MLLT6: variants seen among roughly 807,000 people sequenced by gnomAD.
MLLT6 encodes the protein MLLT6, PHD finger containing, also known as protein AF-17.
In MLLT6, 22 loss-of-function variants were observed where a neutral mutation model predicts 103.0. The ratio of observed to expected loss-of-function variants is 0.21; its 90% CI spans 0.15 to 0.31. The LOEUF (loss-of-function observed/expected upper bound fraction) is 0.31, where lower values mean the gene tolerates loss of function less well. Ranked by LOEUF, MLLT6 falls within the 10% of genes least tolerant of loss-of-function variation. The pLI is 1.00. For synonymous variants in MLLT6, 606 were observed against 623.5 expected (o/e 0.97, Z 0.42); for missense variants, 1,199 against 1,441.7 (o/e 0.83, Z 2.73).
rs1906073387 is a variant in MLLT6 at position 38,727,073 on chromosome 17, C to T, written c.*1475C>T. The T allele has an allele frequency of 4.3e-6, 1 of 232,564 alleles. No homozygotes were observed. Among genetic ancestry groups the T allele is most frequent in the African/African-American group, 2.2e-5 (1 of 44,942 alleles). The allele number at this position is 232,564 out of a possible 1,614,324, so 14.4% of individuals were successfully genotyped here. ...CAGCTTCCCCAGGCTCCGGCCTTGT[C>T]AGTCTCTTTGCATGTGTGGATTTTT... On this transcript the variant is annotated 3_prime_UTR_variant, in exon 20 of 20. Transcript: ENST00000621332.
rs1049144711 is a variant in MLLT6, at chr17:38,729,609, T to G, written c.*4011T>G. ...GATTGCAAACCCAGGGGCTCCTTTT[T>G]CATTCTTTCTAAAACCTTGATATCC... On this transcript the variant is annotated 3_prime_UTR_variant, in exon 20 of 20. Coordinates refer to ENST00000621332, the MANE Select transcript of MLLT6 (RefSeq NM_005937.4). 5 of 232,244 alleles carry G rather than the reference T, an allele frequency of 2.2e-5. No individual in the cohort carries two copies. In the Admixed American group the frequency reaches 2.8e-4, roughly 13 times the overall value. 14.4% of individuals were successfully genotyped at this position (232,244 alleles called of 1,614,324 possible). A position where few individuals can be genotyped will look rare whatever the true frequency, so the allele number is the denominator to read the frequency against.
chr17:38,716,393 T>C lies in MLLT6; in HGVS notation c.1063T>C (p.Phe355Leu). Reference sequence around the variant, plus strand: ...CTCGTCCCTGCAGAGCTCCCCTGACTTCTCTGCATTCCCCAAGCTGGAGCA... The same window carrying C: ...CTCGTCCCTGCAGAGCTCCCCTGACCTCTCTGCATTCCCCAAGCTGGAGCA... ...AVSSLQSSPD[F>L]SAFPKLEQPE... Residue 355 changes from phenylalanine (F) to leucine (L), a missense_variant, in exon 10 of 20, where the codon TTC becomes CTC. By Grantham distance (22) the Phe-to-Leu change is conservative (BLOSUM62 0). This residue lies in a region of MLLT6 where 1,034 missense variants were observed against 1,091.5 expected (regional missense o/e 0.95). Transcript: ENST00000621332. The surrounding 1 kb of genome is among the most constrained non-coding windows in gnomAD (Gnocchi z 5.6). The C allele has an allele frequency of 6.2e-7, 1 of 1,613,388 alleles. No individual in the cohort carries two copies.
In MLLT6 at chr17:38,709,279, G is replaced by A; in HGVS notation, c.458+3G>A. 1.2e-6 allele frequency: 2 copies of A among 1,612,836 alleles called. No homozygotes were observed. Among genetic ancestry groups the A allele is most frequent in the South Asian group, 1.1e-5 (1 of 91,042 alleles). ...CGACAAGCTTTCCACGTCACCTGGT[G>A]AGACCCCTGTCCCACCCCCCTGCCC... On this transcript the variant is annotated splice_donor_region_variant and intron_variant, in intron 5 of 19. Transcript: ENST00000621332. This position sits in a 1 kb window ranked among gnomAD's most constrained non-coding sequence, Gnocchi z 4.3.
chr17:38,713,000 G>C (rs1303645353), intron 8 of MLLT6: 1 of 776,932 alleles, frequency 1.3e-6, no homozygotes, highest in Non-Finnish European at 2.4e-6. Context: ...TTGGGAGTTT[G>C]GGGTGCTGTC....
At chr17:38,712,177 G>T in intron 7 of MLLT6, 163 bp downstream of exon 7, 1 of 935,398 alleles carries the variant, frequency 1.1e-6, no homozygotes, top group Non-Finnish European at 1.3e-6. Context: ...AAACGGTGGG[G>T]GGGTGAGGCG....
intron 19 of MLLT6, 49 bp downstream of exon 19, chr17:38,725,025 A>G: frequency 7.8e-7 from 1 of 1,283,350 alleles, no homozygotes; most frequent in Non-Finnish European, 1.1e-6. Context: ...AGGGATGGGT[A>G]GAGATGGATT....
intron 18 of MLLT6, among the ~76,000 whole-genome samples, chr17:38,723,804 A>T (rs1401703089): frequency 6.7e-6 from 1 of 149,838 alleles, no homozygotes; most frequent in East Asian, 2.0e-4. Context: ...GTGCAATGGC[A>T]TGATATCGGC....
In MLLT6 at chr17:38,721,969, C is replaced by A; in HGVS notation, c.2534C>A (p.Ala845Asp). Residue 845 changes from alanine (A) to aspartate (D), a missense_variant, in exon 17 of 20, where the codon GCC (alanine) becomes GAC (aspartate). Ala to Asp is a moderately radical substitution (Grantham distance 126). This residue lies in a region of MLLT6 where 1,034 missense variants were observed against 1,091.5 expected (regional missense o/e 0.95). Coordinates refer to ENST00000621332, the MANE Select transcript of MLLT6 (RefSeq NM_005937.4). ...PPLPLLQQSP[A>D]TLPLALPGAP... ...CTGCCCCTCCTCCAGCAGAGCCCTG[C>A]CACTCTGCCCCTGGCCCTGCCTGGG... The A allele has an allele frequency of 6.6e-7, 1 of 1,504,182 alleles. No individual in the cohort carries two copies. The allele number at this position is 1,504,182 out of a possible 1,614,324, so 93.2% of individuals were successfully genotyped here.
At chr17:38,723,225 G>A (rs1019941988) in intron 18 of MLLT6, among the ~76,000 whole-genome samples, 1 of 152,172 alleles carries the variant, frequency 6.6e-6, no homozygotes, top group Non-Finnish European at 1.5e-5. Flanking sequence ...GGAAGCAGCC[G>A]GGTGTGGTGG....
At position 38,715,643 on chromosome 17, in the gene MLLT6, A is replaced by G; in HGVS notation, c.851A>G (p.His284Arg). The change falls in exon 9 of 20, where the codon CAC becomes CGC. Residue 284 changes from histidine (H) to arginine (R), a missense_variant. Physicochemically the swap from His to Arg is conservative, Grantham distance 29. Coordinates refer to ENST00000621332, the MANE Select transcript of MLLT6 (RefSeq NM_005937.4). ...VSSSASSSSH[H>R]EASTQETSES... is the part of the protein sequence containing the mutation. ...TCCTCGGCTTCCTCTTCCTCCCACCACGAGGCCAGCACGCAGGAGACCTCT... is the reference window on the plus strand; with the variant it reads ...TCCTCGGCTTCCTCTTCCTCCCACCGCGAGGCCAGCACGCAGGAGACCTCT... The G allele has an allele frequency of 6.2e-7, 1 of 1,613,578 alleles. No homozygotes were observed. Among genetic ancestry groups the G allele is most frequent in the African/African-American group, 1.3e-5 (1 of 74,954 alleles).
chr17:38,707,881 C>T lies in MLLT6; in HGVS notation c.354+9C>T, dbSNP rs776516983. The stretch of plus-strand genomic sequence containing the variant: ...ATGATCGCTTCAACAAGGTCAGCGG[C>T]CCCCCGCCGTGTCCCCTACCAGTTC... On this transcript the variant is annotated intron_variant, in intron 4 of 19. Transcript: ENST00000621332. The T allele has an allele frequency of 9.0e-6, 14 of 1,564,076 alleles. No homozygotes were observed. The highest frequency in any genetic ancestry group is 3.4e-5 in the Admixed American group (2 of 58,324).
At chr17:38,720,325 G>T in intron 14 of MLLT6, 47 bp from the exon 15 acceptor site, 1 of 73,316 alleles carries the variant, frequency 1.4e-5, no homozygotes, top group South Asian at 1.2e-4. Flanking sequence ...CCCTGGCCCC[G>T]CCTCCGCCCC....
Position 38,711,876 on chromosome 17 carries a change from CGGAGGAGGCGCT to C in MLLT6, c.591_602del (p.Ala198_Gly201del). ...CATCCCGGCACAGCAGCGGGGGAGG[CGGAGGAGGCGCT>C]GGAGGAGGAGGTGGCAGCATGGGGG... On this transcript the variant is annotated inframe_deletion, in exon 7 of 20. Coordinates refer to ENST00000621332, the MANE Select transcript of MLLT6 (RefSeq NM_005937.4). 1 of 1,589,342 alleles carries C rather than the reference CGGAGGAGGCGCT, an allele frequency of 6.3e-7. No individual in the cohort carries two copies. Among genetic ancestry groups the C allele is most frequent in the South Asian group, 1.1e-5 (1 of 87,484 alleles).
intron 6 of MLLT6, among the ~76,000 whole-genome samples, chr17:38,710,479 G>A (rs1296201325): frequency 6.6e-6 from 1 of 152,176 alleles, no homozygotes; most frequent in East Asian, 1.9e-4. Flanking sequence ...GCCGCTGTGA[G>A]GCTAGATCAG....
rs970548063 is a variant in MLLT6, at chr17:38,727,883, T to C, written c.*2285T>C. The C allele has an allele frequency of 4.3e-6, 1 of 233,082 alleles. No homozygotes were observed. Among genetic ancestry groups the C allele is most frequent in the African/African-American group, 2.2e-5 (1 of 45,340 alleles). The allele number at this position is 233,082 out of a possible 1,614,324, so 14.4% of individuals were successfully genotyped here. A position where few individuals can be genotyped will look rare whatever the true frequency, so the allele number is the denominator to read the frequency against. On this transcript the variant is annotated 3_prime_UTR_variant, in exon 20 of 20. Coordinates refer to ENST00000621332, the MANE Select transcript of MLLT6 (RefSeq NM_005937.4). ...ACGCCCTTGCCCAAGGCTGGCCCAC[T>C]TAGAGCGAAACTTAACTTTTGTCTG...
At chr17:38,723,063 C>T (rs1373534354) in intron 18 of MLLT6, among the ~76,000 whole-genome samples, 6 of 152,144 alleles carry the variant, frequency 3.9e-5, no homozygotes, top group Admixed American at 1.3e-4. Context: ...CATTTCAGTC[C>T]CAGCCCCAAA....
In MLLT6 at chr17:38,720,520, G is replaced by A. The variant is rs1288391566; in HGVS notation, c.2304G>A (p.Leu768=). 1 of 1,611,582 alleles carries A rather than the reference G, an allele frequency of 6.2e-7. No individual in the cohort carries two copies. The highest frequency in any genetic ancestry group is 1.7e-5 in the Admixed American group (1 of 59,828). Residue 768 remains leucine, a synonymous_variant, in exon 15 of 20, where the codon CTG becomes CTA. Transcript: ENST00000621332. ...CCTTCCCTGCCCTGCCTGCTGCCCT[G>A]CCTGCCGCCAACGGCCCTGTCCCTG... The part of the protein sequence containing the change: ...SVPFPALPAA[L]PAANGPVPGP...
chr17:38,720,845 T>C, intron 16 of MLLT6, 98 bp downstream of exon 16: 1 of 1,036,612 alleles, frequency 9.6e-7, no homozygotes, highest in Non-Finnish European at 1.4e-6. Flanking sequence ...GGCAATGAAG[T>C]GACTGACTGA....
At chr17:38,715,551 C>T in intron 8 of MLLT6, 61 bp from the exon 9 acceptor site, 1 of 1,526,710 alleles carries the variant, frequency 6.6e-7, no homozygotes, top group South Asian at 1.3e-5. Flanking sequence ...TTCACTCCCA[C>T]ATCAGGATCA....
Sources: allele counts gnomAD v4.1 joint callset (sites outside exome capture counted in the v4.1 genomes callset), GRCh38; gene constraint gnomAD v4.1.1; regional missense constraint gnomAD v4.1.1; non-coding constraint Gnocchi (gnomAD v3.1); transcripts MANE v1.5; gene names NCBI Gene and HGNC (gene_info 2026-07-23, HGNC 2026-07-21).